Variants in EDIL3 observed in about 807,000 individuals in gnomAD.
The protein encoded by EDIL3 is EGF-like repeat and discoidin I-like domain-containing protein 3.
In EDIL3, 37 loss-of-function variants were observed where a neutral mutation model predicts 67.4. That is an observed-to-expected ratio of 0.55 (90% CI 0.42 to 0.72). The LOEUF (loss-of-function observed/expected upper bound fraction) is 0.72, where lower values mean the gene tolerates loss of function less well. Among genes scored for constraint, EDIL3 ranks in the 30% least tolerant of loss-of-function variants. The pLI, the probability that EDIL3 is intolerant of heterozygous loss-of-function variation, is 0.00. For missense variants in EDIL3, 527 were observed against 586.3 expected, an observed-to-expected ratio of 0.90 and a Z score of 1.04; for synonymous variants, 195 against 196.3, an observed-to-expected ratio of 0.99 and a Z score of 0.05.
At chr5:84,156,045 G>A (rs180934031) in intron 4 of EDIL3, among the ~76,000 whole-genome samples, 1 of 152,150 alleles carries the variant, frequency 6.6e-6, no homozygotes, top group East Asian at 1.9e-4. Flanking sequence ...ATCCTCTAGA[G>A]GGGGAGCATA....
chr5:83,965,958 T>C (rs1164282190), intron 9 of EDIL3, among the ~76,000 whole-genome samples: 1 of 152,006 alleles, frequency 6.6e-6, no homozygotes, highest in African/African-American at 2.4e-5. Flanking sequence ...ATGAGGTTGC[T>C]GACAGAGGGC....
intron 1 of EDIL3, among the ~76,000 whole-genome samples, chr5:84,268,281 G>A (rs931303538): frequency 1.3e-5 from 2 of 152,128 alleles, no homozygotes; most frequent in East Asian, 3.8e-4. Context: ...TGGACTACAT[G>A]GCTTAAGAGC....
At chr5:84,153,964 T>G (rs1388956786) in intron 4 of EDIL3, among the ~76,000 whole-genome samples, 3 of 152,156 alleles carry the variant, frequency 2.0e-5, no homozygotes, top group African/African-American at 4.8e-5. Flanking sequence ...TGGGCTACAC[T>G]AAGCTCTACT....
chr5:84,245,899 A>T (rs1410056352), intron 2 of EDIL3, among the ~76,000 whole-genome samples: 1 of 131,286 alleles, frequency 7.6e-6, no homozygotes, highest in Non-Finnish European at 1.6e-5. Context: ...TTTTTCAATA[A>T]TTTTTTCTAA....
Position 84,176,223 on chromosome 5 carries a change from ATAT to A in EDIL3, c.355+4167_355+4169del, listed in dbSNP as rs1387948300. ...AATATATATATATATATATATATAT[ATAT>A]AATATATTGTATGTATAATATATTG... is the stretch of plus-strand genomic sequence containing the variant. On this transcript the variant is annotated intron_variant, in intron 4 of 10. Coordinates refer to ENST00000296591, the MANE Select transcript of EDIL3 (RefSeq NM_005711.5). Among the ~76,000 whole-genome samples, 47 of 131,346 alleles carry A rather than the reference ATAT, an allele frequency of 3.6e-4. 1 individual carries two copies. Among genetic ancestry groups the A allele is most frequent in the Admixed American group, 2.0e-3 (25 of 12,268 alleles). 86.2% of individuals were successfully genotyped at this position (131,346 alleles called of 152,430 possible). A position where few individuals can be genotyped will look rare whatever the true frequency, so the allele number is the denominator to read the frequency against.
At chr5:84,121,876 T>C (rs1747782606) in intron 5 of EDIL3, among the ~76,000 whole-genome samples, 1 of 152,002 alleles carries the variant, frequency 6.6e-6, no homozygotes, top group Non-Finnish European at 1.5e-5. Context: ...TATTTAAGAA[T>C]TTGTCTTCCA....
chr5:84,289,023 G>A (rs932936023), intron 1 of EDIL3, among the ~76,000 whole-genome samples: 1 of 152,130 alleles, frequency 6.6e-6, no homozygotes, highest in African/African-American at 2.4e-5. Context: ...AAAGCTTGGG[G>A]ATTGTAACTG....
rs140090897 is a variant in EDIL3 at position 84,245,786 on chromosome 5, T to C, written c.196+8298A>G. 3.7e-3 allele frequency among the ~76,000 whole-genome samples: 567 copies of C among 152,218 alleles called. 2 individuals are homozygous for C. Among genetic ancestry groups the C allele is most frequent in the African/African-American group, 0.013 (529 of 41,542 alleles). On this transcript the variant is annotated intron_variant, in intron 2 of 10. Transcript: ENST00000296591. ...ATCACTTTGAATTTGTAATTTTCATTTTCATAAGTGTATAGAATTATATAT... is the reference window on the plus strand; with the variant it reads ...ATCACTTTGAATTTGTAATTTTCATCTTCATAAGTGTATAGAATTATATAT...
chr5:84,245,563 G>A (rs1023912505), intron 2 of EDIL3, among the ~76,000 whole-genome samples: 1 of 152,082 alleles, frequency 6.6e-6, no homozygotes, highest in South Asian at 2.1e-4. Context: ...CTAGAATAAA[G>A]AAATAGATTC....
chr5:83,990,744 G>A (rs1424503387), intron 9 of EDIL3, among the ~76,000 whole-genome samples: 1 of 151,828 alleles, frequency 6.6e-6, no homozygotes, highest in Non-Finnish European at 1.5e-5. Flanking sequence ...GCTGGGCATG[G>A]TAGCGGGCAC....
intron 4 of EDIL3, among the ~76,000 whole-genome samples, chr5:84,157,641 C>A (rs912231025): frequency 6.6e-6 from 1 of 151,924 alleles, no homozygotes; most frequent in Non-Finnish European, 1.5e-5. Flanking sequence ...TTTCCATTTG[C>A]CCACATAAAA....
intron 3 of EDIL3, among the ~76,000 whole-genome samples, chr5:84,201,519 G>A (rs745793465): frequency 6.6e-6 from 1 of 152,162 alleles, no homozygotes; most frequent in Non-Finnish European, 1.5e-5. Context: ...GAAAGCATGT[G>A]TCTAATGCAA....
chr5:84,365,257 A>C (rs1008430258), intron 1 of EDIL3, among the ~76,000 whole-genome samples: 1 of 152,144 alleles, frequency 6.6e-6, no homozygotes, highest in Non-Finnish European at 1.5e-5. Context: ...AGTAGATTAC[A>C]AAAAACTTTC....
chr5:84,254,515 A>C (rs1745092576), intron 1 of EDIL3, among the ~76,000 whole-genome samples: 1 of 152,226 alleles, frequency 6.6e-6, no homozygotes, highest in Non-Finnish European at 1.5e-5. Flanking sequence ...TATTAACCTA[A>C]ATATCTGTAA....
intron 8 of EDIL3, among the ~76,000 whole-genome samples, chr5:84,062,026 T>C (rs2269284): frequency 0.19 from 28,741 of 151,996 alleles, 3,029 homozygotes; most frequent in Admixed American, 0.24. Flanking sequence ...ACCTCCACCA[T>C]CTAGGAAATG....
At chr5:84,211,919 T>C (rs1462015088) in intron 3 of EDIL3, among the ~76,000 whole-genome samples, 1 of 152,188 alleles carries the variant, frequency 6.6e-6, no homozygotes, top group African/African-American at 2.4e-5. Flanking sequence ...ATGACTGCAA[T>C]TTGCACAAAT....
At chr5:83,959,095 G>C (rs1428037540) in intron 10 of EDIL3, among the ~76,000 whole-genome samples, 3 of 150,550 alleles carry the variant, frequency 2.0e-5, no homozygotes, top group Non-Finnish European at 4.5e-5. Context: ...ATCTCAATTA[G>C]GAGAACAGAG....
At chr5:84,053,346 A>T (rs560944271) in intron 9 of EDIL3, among the ~76,000 whole-genome samples, 1 of 152,374 alleles carries the variant, frequency 6.6e-6, no homozygotes, top group Non-Finnish European at 1.5e-5. Flanking sequence ...AATGCCCACA[A>T]GAGAAAGCAG....
chr5:84,378,193 C>A (rs1314616708), intron 1 of EDIL3, among the ~76,000 whole-genome samples: 1 of 152,112 alleles, frequency 6.6e-6, no homozygotes, highest in Non-Finnish European at 1.5e-5. Context: ...GCTATTTCAC[C>A]ATTAAGCAGG....
Sources: gnomAD v4.1 joint callset for allele counts (sites outside exome capture counted in the v4.1 genomes callset) on GRCh38, gnomAD v4.1.1 for gene constraint, MANE v1.5 for transcripts, NCBI Gene and HGNC (gene_info 2026-07-23, HGNC 2026-07-21) for gene names.